Variants in KLF16 observed in about 807,000 individuals in gnomAD.
KLF16 encodes KLF transcription factor 16, also known as Krueppel-like factor 16.
In KLF16, 6 loss-of-function variants were observed where a neutral mutation model predicts 6.1. The ratio of observed to expected loss-of-function variants is 0.98; its 90% confidence interval spans 0.54 to 1.93. The LOEUF is 1.93. Ranked by LOEUF, KLF16 falls within the 30% of genes most tolerant of loss-of-function variation. The probability of loss-of-function intolerance (pLI) is 0.01; values close to 1 mark genes in which losing one functional copy is unlikely to be tolerated. For missense variants in KLF16, 355 were observed against 363.8 expected (o/e 0.98, Z 0.20); for synonymous variants, 211 against 176.5 (o/e 1.20, Z -1.55).
upstream of KLF16, among the ~76,000 whole-genome samples, chr19:1,865,163 G>A (rs1479431299): frequency 6.6e-6 from 1 of 152,224 alleles, no homozygotes; most frequent in African/African-American, 2.4e-5. Context: ...ACAGAGCGGA[G>A]CCGAGAGAGA....
intron 1 of KLF16, among the ~76,000 whole-genome samples, chr19:1,856,722 G>A (rs1393680609): frequency 6.6e-6 from 1 of 152,242 alleles, no homozygotes; most frequent in Non-Finnish European, 1.5e-5. Flanking sequence ...GTCTGGCTGT[G>A]GGAGCGCGGC....
the KLF16 span, chr19:1,874,930 G>A: frequency 1.3e-5 from 2 of 152,066 alleles, no homozygotes; most frequent in African/African-American, 2.4e-5. Context: ...TTCCAATCTC[G>A]AAACGACTGT....
chr19:1,867,400 G>A (rs557262529), upstream of KLF16, among the ~76,000 whole-genome samples: 28 of 152,270 alleles, frequency 1.8e-4, no homozygotes, highest in South Asian at 5.8e-3. Context: ...TGAGACCCCT[G>A]TCTGCATAAA....
the KLF16 span, among the ~76,000 whole-genome samples, chr19:1,871,552 C>T: frequency 6.6e-6 from 1 of 152,170 alleles, no homozygotes; most frequent in Non-Finnish European, 1.5e-5. Flanking sequence ...GCAGGTGTTG[C>T]ATTATGTGAC....
Position 1,863,166 on chromosome 19 carries a change from G to A in KLF16, c.332C>T (p.Ser111Phe), listed in dbSNP as rs1447450840. 10 of 1,275,766 alleles carry A rather than the reference G, an allele frequency of 7.8e-6. No individual in the cohort carries two copies. Among genetic ancestry groups the A allele is most frequent in the Non-Finnish European group, 6.0e-6 (6 of 994,548 alleles). The allele number at this position is 1,275,766 out of a possible 1,614,324, so 79.0% of individuals were successfully genotyped here. A position where few individuals can be genotyped will look rare whatever the true frequency, so the allele number is the denominator to read the frequency against. ...ASSSSAASSP[S>F]SGRAPGAAPS... ...CGCGGCGCCGGGGGCGCGGCCCGAG[G>A]ACGGGGACGAGGCGGCTGAGGAGGA... is the stretch of plus-strand genomic sequence containing the variant. Residue 111 changes from serine to phenylalanine, a missense_variant, in exon 1 of 2, where the codon TCC becomes TTC. Transcript: ENST00000250916.
chr19:1,866,408 C>G (rs556346395), upstream of KLF16, among the ~76,000 whole-genome samples: 5 of 151,844 alleles, frequency 3.3e-5, no homozygotes, highest in African/African-American at 7.3e-5. Flanking sequence ...GTCGAGAGTT[C>G]GAGACCAGCC....
the KLF16 span, among the ~76,000 whole-genome samples, chr19:1,871,740 C>A: frequency 6.6e-6 from 1 of 152,098 alleles, no homozygotes; most frequent in African/African-American, 2.4e-5. Context: ...GGGGCAGCAG[C>A]TGCCACCCTC....
intron 1 of KLF16, among the ~76,000 whole-genome samples, chr19:1,858,727 G>C (rs759730390): frequency 6.6e-6 from 1 of 152,042 alleles, no homozygotes; most frequent in Non-Finnish European, 1.5e-5. Flanking sequence ...CCCACCTGAG[G>C]CCCAACCCAG....
chr19:1,854,872 G>T, intron 1 of KLF16, 112 bp from the exon 2 acceptor site: 1 of 1,158,978 alleles, frequency 8.6e-7, no homozygotes, highest in Non-Finnish European at 1.2e-6. Flanking sequence ...CCGTTTTAGA[G>T]GCTGAGCTCT....
At chr19:1,864,120 C>G (rs931127401), upstream of KLF16, among the ~76,000 whole-genome samples, 4 of 148,606 alleles carry the variant, frequency 2.7e-5, no homozygotes, top group Admixed American at 6.6e-5. Context: ...CCACCCCACG[C>G]CGGGGCGCGC....
At chr19:1,859,414 C>T (rs1023975208) in intron 1 of KLF16, among the ~76,000 whole-genome samples, 1 of 152,106 alleles carries the variant, frequency 6.6e-6, no homozygotes, top group East Asian at 1.9e-4. Flanking sequence ...CTCGTCCTGC[C>T]CTCCTCAACC....
At chr19:1,858,458 T>A (rs2011997989) in intron 1 of KLF16, among the ~76,000 whole-genome samples, 4 of 152,146 alleles carry the variant, frequency 2.6e-5, no homozygotes, top group Admixed American at 2.0e-4. Flanking sequence ...GTGGGTGTAA[T>A]ATCTGCACCC....
chr19:1,865,931 G>C (rs995520589), upstream of KLF16, among the ~76,000 whole-genome samples: 2 of 151,980 alleles, frequency 1.3e-5, no homozygotes. Flanking sequence ...TGAGAGACCA[G>C]GGTAGGAGGA....
chr19:1,875,090 C>A, the KLF16 span: 1 of 152,218 alleles, frequency 6.6e-6, no homozygotes, highest in Non-Finnish European at 1.5e-5. Context: ...CGCCGGCCCC[C>A]TCTTATGCTG....
upstream of KLF16, among the ~76,000 whole-genome samples, chr19:1,867,140 C>T (rs531172456): frequency 6.6e-6 from 1 of 152,292 alleles, no homozygotes; most frequent in South Asian, 2.1e-4. Context: ...CTCAGAGGGG[C>T]CACGGAGCCA....
At chr19:1,870,585 C>T in the KLF16 span, among the ~76,000 whole-genome samples, 2 of 152,232 alleles carry the variant, frequency 1.3e-5, no homozygotes, top group South Asian at 4.1e-4. Context: ...GGAAAGATCA[C>T]TCGAGCCTAG....
the KLF16 span, among the ~76,000 whole-genome samples, chr19:1,869,753 C>T: frequency 6.6e-6 from 1 of 152,082 alleles, no homozygotes; most frequent in Admixed American, 6.5e-5. Context: ...ACCACAGGTG[C>T]ACACCGCCAC....
the KLF16 span, chr19:1,875,207 A>C: frequency 2.6e-5 from 4 of 152,196 alleles, no homozygotes; most frequent in Non-Finnish European, 4.4e-5. Flanking sequence ...TGGGCAAAAA[A>C]CGGTTTGTAC....
upstream of KLF16, among the ~76,000 whole-genome samples, chr19:1,867,899 C>T (rs1267530572): frequency 6.7e-6 from 1 of 149,868 alleles, no homozygotes; most frequent in Non-Finnish European, 1.5e-5. Flanking sequence ...AACAAAGATG[C>T]AGCAGAAGAG....
Sources: gnomAD v4.1 joint callset for allele counts (sites outside exome capture counted in the v4.1 genomes callset) on GRCh38, gnomAD v4.1.1 for gene constraint, MANE v1.5 for transcripts, NCBI Gene and HGNC (gene_info 2026-07-23, HGNC 2026-07-21) for gene names.